Variants in PPP1R13B observed in about 807,000 individuals in gnomAD.
PPP1R13B encodes protein phosphatase 1 regulatory subunit 13B.
In PPP1R13B, 44 loss-of-function variants were observed where a neutral mutation model predicts 119.8. The observed-to-expected ratio is 0.37, with a 90% CI of 0.29 to 0.47. The LOEUF (loss-of-function observed/expected upper bound fraction) is 0.47. Ranked by LOEUF, PPP1R13B falls within the 20% of genes least tolerant of loss-of-function variation. The pLI, the probability that PPP1R13B is intolerant of heterozygous loss-of-function variation, is 0.99. For missense variants in PPP1R13B, 1,227 were observed against 1,413.5 expected (o/e 0.87, Z 2.12); for synonymous variants, 542 against 561.5 (o/e 0.97, Z 0.49).
chr14:103,810,844 T>A (rs34596177), intron 1 of PPP1R13B, among the ~76,000 whole-genome samples: 40,338 of 150,378 alleles, frequency 0.27, 6,291 homozygotes, highest in Non-Finnish European at 0.34. Flanking sequence ...ATCCCAGCAC[T>A]TTGGGAAGCT....
chr14:103,757,872 C>A (rs552687918), intron 4 of PPP1R13B, 121 bp from the exon 5 acceptor site: 2 of 646,732 alleles, frequency 3.1e-6, no homozygotes, highest in African/African-American at 3.7e-5. Flanking sequence ...AGAGTACCAA[C>A]TAGTTTATTT....
At chr14:103,842,977 AAAAC>A (rs2086943784) in intron 1 of PPP1R13B, among the ~76,000 whole-genome samples, 1 of 151,934 alleles carries the variant, frequency 6.6e-6, no homozygotes. Flanking sequence ...ATCTTGTCTG[AAAAC>A]AAACAAAAAA....
chr14:103,817,028 T>C (rs1273282901), intron 1 of PPP1R13B, among the ~76,000 whole-genome samples: 1 of 152,244 alleles, frequency 6.6e-6, no homozygotes, highest in Non-Finnish European at 1.5e-5. Flanking sequence ...AATTTGCTTA[T>C]AATGCTCAGA....
chr14:103,839,002 T>C (rs895150030), intron 1 of PPP1R13B, among the ~76,000 whole-genome samples: 6 of 152,090 alleles, frequency 3.9e-5, no homozygotes, highest in African/African-American at 1.2e-4. Context: ...CATTTCTTTT[T>C]CTTTTTTTCT....
At chr14:103,737,963 C>T (rs1327342621) in intron 14 of PPP1R13B, 103 bp from the exon 15 acceptor site, 3 of 1,299,790 alleles carry the variant, frequency 2.3e-6, no homozygotes, top group Non-Finnish European at 3.1e-6. Context: ...AGGCGTTCAC[C>T]TTTGTGCCAT....
At chr14:103,746,868 G>C (rs1195893965) in intron 8 of PPP1R13B, 1 of 194,700 alleles carries the variant, frequency 5.1e-6, no homozygotes, top group Admixed American at 5.9e-5. Context: ...TCCCTTGAGT[G>C]GGCACAGAGA....
intron 4 of PPP1R13B, among the ~76,000 whole-genome samples, chr14:103,767,888 C>T (rs190591211): frequency 6.6e-6 from 1 of 152,124 alleles, no homozygotes; most frequent in Non-Finnish European, 1.5e-5. Context: ...TATTTTGGTG[C>T]CTTATTCCAC....
chr14:103,804,091 T>C (rs2085963989), intron 1 of PPP1R13B: 3 of 979,408 alleles, frequency 3.1e-6, no homozygotes. Flanking sequence ...CTTGCTCCAT[T>C]TTTTTTTTCA....
chr14:103,812,531 T>C (rs2086184510), intron 1 of PPP1R13B, among the ~76,000 whole-genome samples: 1 of 152,076 alleles, frequency 6.6e-6, no homozygotes, highest in Admixed American at 6.6e-5. Context: ...GCGATTCTCG[T>C]GACTCAGCTT....
chr14:103,773,347 A>G (rs1219590908), intron 4 of PPP1R13B, among the ~76,000 whole-genome samples: 2 of 152,236 alleles, frequency 1.3e-5, no homozygotes, highest in South Asian at 4.1e-4. Flanking sequence ...GAGATAACAG[A>G]GAATGTTCCA....
At position 103,734,464 on chromosome 14, in the gene PPP1R13B, G is replaced by C; in HGVS notation, c.*690C>G. On this transcript the variant is annotated 3_prime_UTR_variant, in exon 17 of 17. Coordinates refer to ENST00000202556, the MANE Select transcript of PPP1R13B (RefSeq NM_015316.3). ...AGATCGGAGGAGAAGAGTATATGCT[G>C]AGGCTCTCCCAGTTGTCACTTGGTC... 1 of 454,794 alleles carries C rather than the reference G, an allele frequency of 2.2e-6. No individual in the cohort carries two copies. The highest frequency in any genetic ancestry group is 1.6e-5 in the South Asian group (1 of 64,476). The allele number at this position is 454,794 out of a possible 1,614,324, so 28.2% of individuals were successfully genotyped here. A position where few individuals can be genotyped will look rare whatever the true frequency, so the allele number is the denominator to read the frequency against.
chr14:103,833,438 GTT>G (rs1233357227), intron 1 of PPP1R13B, among the ~76,000 whole-genome samples: 1 of 152,146 alleles, frequency 6.6e-6, no homozygotes, highest in East Asian at 1.9e-4. Context: ...GAGGTCAGGA[GTT>G]TAAGACCAGC....
Position 103,738,534 on chromosome 14 carries a change from A to C in PPP1R13B, c.2864+145T>G. The C allele has an allele frequency of 2.3e-6, 3 of 1,279,390 alleles. No homozygotes were observed. The highest frequency in any genetic ancestry group is 3.2e-6 in the Non-Finnish European group (3 of 933,822). 79.3% of individuals were successfully genotyped at this position (1,279,390 alleles called of 1,614,324 possible). On this transcript the variant is annotated intron_variant, in intron 14 of 16. Coordinates refer to ENST00000202556, the MANE Select transcript of PPP1R13B (RefSeq NM_015316.3). The surrounding 1 kb of genome is among the most constrained non-coding windows in gnomAD (Gnocchi z 5.6). ...GAAAAAAAGGCAAGGAAACCCTGGCAACAGCTGTCTTTCAAGGATGAAATG... is the reference window on the plus strand; with the variant it reads ...GAAAAAAAGGCAAGGAAACCCTGGCCACAGCTGTCTTTCAAGGATGAAATG...
chr14:103,792,436 A>G (rs999673959), intron 2 of PPP1R13B, among the ~76,000 whole-genome samples: 6 of 152,132 alleles, frequency 3.9e-5, no homozygotes, highest in African/African-American at 1.4e-4. Flanking sequence ...CCTTGGCCTC[A>G]AGTGCTGGGA....
rs1334439136 is a variant in PPP1R13B, at chr14:103,736,048, A to G, written c.3186T>C (p.Ala1062=). ...CATAGCCCTCCCGGTCTCCAAGGCG[A>G]GCCCACCACCACTCAGTCTCGCTTT... ...KDESETEWWW[A]RLGDREGYVP... is the part of the protein sequence containing the mutation. Residue 1062 remains alanine (A), a synonymous_variant, in exon 16 of 17, where the codon GCT becomes GCC. Coordinates refer to ENST00000202556, the MANE Select transcript of PPP1R13B (RefSeq NM_015316.3). The G allele has an allele frequency of 6.2e-7, 1 of 1,614,158 alleles. No homozygotes were observed. Among genetic ancestry groups the G allele is most frequent in the Non-Finnish European group, 8.5e-7 (1 of 1,180,016 alleles).
At chr14:103,841,563 C>A (rs908827012) in intron 1 of PPP1R13B, among the ~76,000 whole-genome samples, 1 of 151,872 alleles carries the variant, frequency 6.6e-6, no homozygotes, top group African/African-American at 2.4e-5. Flanking sequence ...GCACTCCAGC[C>A]TGGGCAACAG....
intron 2 of PPP1R13B, among the ~76,000 whole-genome samples, chr14:103,794,262 G>C (rs2152037219): frequency 6.6e-6 from 1 of 152,048 alleles, no homozygotes; most frequent in East Asian, 1.9e-4. Context: ...TACTATTGAA[G>C]GATTCTATCT....
In PPP1R13B at chr14:103,742,086, G is replaced by T; in HGVS notation, c.1526C>A (p.Thr509Asn). The T allele has an allele frequency of 6.2e-7, 1 of 1,613,884 alleles. No homozygotes were observed. Among genetic ancestry groups the T allele is most frequent in the Non-Finnish European group, 8.5e-7 (1 of 1,179,972 alleles). The change falls in exon 11 of 17, where the codon ACC becomes AAC. Residue 509 changes from threonine to asparagine, a missense_variant. Transcript: ENST00000202556. The surrounding 1 kb of genome is among the most constrained non-coding windows in gnomAD (Gnocchi z 4.9). Reference sequence around the variant, plus strand: ...CTGTTGTGAGGAGCCTGGCTGGGGGGTGCTGCCTGTGGCGGGCAGCAGGGT... The same window carrying T: ...CTGTTGTGAGGAGCCTGGCTGGGGGTTGCTGCCTGTGGCGGGCAGCAGGGT... ...RPTLLPATGSTPQPGSSQQIQ... is the reference protein window; with the variant it reads ...RPTLLPATGSNPQPGSSQQIQ...
At chr14:103,743,598 T>TC (rs2151968462) in intron 9 of PPP1R13B, among the ~76,000 whole-genome samples, 2 of 152,362 alleles carry the variant, frequency 1.3e-5, no homozygotes, top group East Asian at 3.9e-4. Flanking sequence ...ACTAAAGTGT[T>TC]CAACGCTTCC....
Sources: allele counts gnomAD v4.1 joint callset (sites outside exome capture counted in the v4.1 genomes callset), GRCh38; gene constraint gnomAD v4.1.1; non-coding constraint Gnocchi (gnomAD v3.1); transcripts MANE v1.5; gene names NCBI Gene and HGNC (gene_info 2026-07-23, HGNC 2026-07-21).